The following ERC1 variants were observed in gnomAD, a reference collection of about 807,000 sequenced individuals.
ERC1 encodes RAB6 interacting protein 2.
In ERC1, 56 loss-of-function variants were observed where a neutral mutation model predicts 132.0. That is an observed-to-expected ratio of 0.42 (90% CI 0.34 to 0.53). The LOEUF (loss-of-function observed/expected upper bound fraction) is 0.53, where lower values mean the gene tolerates loss of function less well. Among genes scored for constraint, ERC1 ranks in the 20% least tolerant of loss-of-function variants. The pLI, the probability that ERC1 is intolerant of heterozygous loss-of-function variation, is 0.03. For missense variants in ERC1, 1,202 were observed against 1,349.9 expected (o/e 0.89, Z 1.72); for synonymous variants, 478 against 476.1 (o/e 1.00, Z -0.05).
intron 17 of ERC1, among the ~76,000 whole-genome samples, chr12:1,415,853 A>G (rs546855136): frequency 6.6e-6 from 1 of 152,364 alleles, no homozygotes; most frequent in South Asian, 2.1e-4. Context: ...TTAAAGAAGC[A>G]CAAGGATCTA....
chr12:1,446,145 G>C (rs7297399), intron 18 of ERC1, among the ~76,000 whole-genome samples: 16 of 152,152 alleles, frequency 1.1e-4, no homozygotes, highest in African/African-American at 3.6e-4. Context: ...TCTGTTTACT[G>C]TCACTTGTAA....
intron 17 of ERC1, among the ~76,000 whole-genome samples, chr12:1,413,679 C>G (rs2091963002): frequency 6.6e-6 from 1 of 152,144 alleles, no homozygotes; most frequent in Non-Finnish European, 1.5e-5. Context: ...GTTAGGTGTT[C>G]TAAGTTCAAT....
intron 17 of ERC1, among the ~76,000 whole-genome samples, chr12:1,409,355 G>A (rs1228870509): frequency 6.6e-6 from 1 of 152,084 alleles, no homozygotes; most frequent in Non-Finnish European, 1.5e-5. Flanking sequence ...TTTATGCCAG[G>A]GTATATAAGA....
chr12:1,418,637 TTCTTTCTCTC>T (rs1482197542), intron 17 of ERC1, among the ~76,000 whole-genome samples: 19 of 67,272 alleles, frequency 2.8e-4, no homozygotes, highest in Admixed American at 1.4e-3. Flanking sequence ...CTTTCTTTCT[TTCTTTCTCTC>T]TCTCTCTCTC....
chr12:1,111,603 C>T (rs1945867113), intron 5 of ERC1, among the ~76,000 whole-genome samples: 1 of 151,832 alleles, frequency 6.6e-6, no homozygotes, highest in Non-Finnish European at 1.5e-5. Flanking sequence ...ACTCACATAC[C>T]CAACTTTTTT....
chr12:1,222,548 A>G (rs1019478095), intron 12 of ERC1, among the ~76,000 whole-genome samples: 1 of 152,184 alleles, frequency 6.6e-6, no homozygotes, highest in African/African-American at 2.4e-5. Flanking sequence ...TATAAATATT[A>G]TAGATGTTTA....
intron 1 of ERC1, among the ~76,000 whole-genome samples, chr12:1,011,349 A>G (rs1253405747): frequency 6.6e-6 from 1 of 152,086 alleles, no homozygotes; most frequent in Non-Finnish European, 1.5e-5. Context: ...GACTACAGGC[A>G]TGCACCACCA....
intron 6 of ERC1, among the ~76,000 whole-genome samples, chr12:1,114,860 G>A (rs927448336): frequency 1.2e-4 from 19 of 152,188 alleles, no homozygotes; most frequent in African/African-American, 4.1e-4. Context: ...GAAACAGAAG[G>A]CTAAATTGGA....
At chr12:1,426,808 C>T (rs1047522261) in intron 17 of ERC1, among the ~76,000 whole-genome samples, 30 of 152,222 alleles carry the variant, frequency 2.0e-4, no homozygotes, top group African/African-American at 6.0e-4. Context: ...TTCAATGTGT[C>T]GTTCTTTTTT....
At chr12:1,066,613 G>A (rs1257346867) in intron 2 of ERC1, among the ~76,000 whole-genome samples, 1 of 152,126 alleles carries the variant, frequency 6.6e-6, no homozygotes, top group African/African-American at 2.4e-5. Context: ...GAGGCAGGTG[G>A]ATCACGTGAG....
intron 15 of ERC1, among the ~76,000 whole-genome samples, chr12:1,309,931 C>CTTTTGTTTTGTTTTG (rs560192167): frequency 6.7e-5 from 10 of 148,844 alleles, no homozygotes; most frequent in African/African-American, 1.5e-4. Context: ...GATTTGTTTT[C>CTTTTGTTTTGTTTTG]TTTTGTTTTG....
chr12:1,243,104 G>A (rs559983025), intron 13 of ERC1, among the ~76,000 whole-genome samples: 7 of 151,176 alleles, frequency 4.6e-5, no homozygotes, highest in African/African-American at 9.7e-5. Flanking sequence ...GGAGAATGGC[G>A]TGAACCCGGG....
chr12:1,224,820 A>C (rs2154296935), intron 12 of ERC1, among the ~76,000 whole-genome samples: 1 of 152,094 alleles, frequency 6.6e-6, no homozygotes, highest in Non-Finnish European at 1.5e-5. Flanking sequence ...ATCTCTACAA[A>C]AAATAAACAG....
chr12:1,091,307 G>A (rs1943188934), intron 3 of ERC1, among the ~76,000 whole-genome samples: 1 of 152,176 alleles, frequency 6.6e-6, no homozygotes, highest in Non-Finnish European at 1.5e-5. Context: ...TAATTAAGTT[G>A]GGAAGGGGAT....
At chr12:1,181,820 C>A in intron 9 of ERC1, 105 bp from the exon 10 acceptor site, 3 of 1,190,568 alleles carry the variant, frequency 2.5e-6, no homozygotes, top group Admixed American at 2.8e-5. Context: ...AAAAACTTAC[C>A]ATTGTCTTTT....
intron 18 of ERC1, among the ~76,000 whole-genome samples, chr12:1,484,891 C>CTTT (rs57684164): frequency 0.37 from 55,589 of 149,656 alleles, 10,676 homozygotes; most frequent in Middle Eastern, 0.46. Context: ...TCTTGTTTTT[C>CTTT]TTTTTTTGAG....
intron 17 of ERC1, among the ~76,000 whole-genome samples, chr12:1,424,662 T>C (rs2092549964): frequency 6.6e-6 from 1 of 152,198 alleles, no homozygotes; most frequent in African/African-American, 2.4e-5. Flanking sequence ...TCCTCTTGTT[T>C]CTTCATCCCT....
At chr12:1,104,969 T>C in intron 4 of ERC1, 145 bp downstream of exon 4, 1 of 576,798 alleles carries the variant, frequency 1.7e-6, no homozygotes, top group Non-Finnish European at 3.1e-6. Flanking sequence ...GAAAATGACA[T>C]CTTAAAAGAA....
At chr12:1,277,892 C>T (rs138735555) in intron 14 of ERC1, among the ~76,000 whole-genome samples, 7 of 152,172 alleles carry the variant, frequency 4.6e-5, no homozygotes, top group Admixed American at 1.3e-4. Context: ...TGACAGTTCA[C>T]GATCATCTTC....
Sources: gnomAD v4.1 joint callset for allele counts (sites outside exome capture counted in the v4.1 genomes callset) on GRCh38, gnomAD v4.1.1 for gene constraint, MANE v1.5 for transcripts, NCBI Gene and HGNC (gene_info 2026-07-23, HGNC 2026-07-21) for gene names.